KIF7: variants seen among roughly 807,000 people sequenced by gnomAD.
The protein encoded by KIF7 is kinesin family member 7, also known as kinesin-like protein KIF7.
KIF7 carries 104 observed loss-of-function variants against 135.7 expected under a neutral mutation model. That is an observed-to-expected ratio of 0.77 (90% confidence interval 0.65 to 0.90). The LOEUF (loss-of-function observed/expected upper bound fraction) is 0.90, where lower values mean the gene tolerates loss of function less well. KIF7 is among the 40% of genes least tolerant of loss of function. The pLI, the probability that KIF7 is intolerant of heterozygous loss-of-function variation, is 0.00. For synonymous variants in KIF7, 883 were observed against 809.4 expected (o/e 1.09, Z -1.54); for missense variants, 2,005 against 1,839.1 (o/e 1.09, Z -1.65).
rs1000506156 is a variant in KIF7 at position 89,628,257 on chromosome 15, C to G, written c.*162G>C. On this transcript the variant is annotated 3_prime_UTR_variant, in exon 19 of 19. Transcript: ENST00000394412. ...TATTTTGTTAAATGAGGGTCCAGTT[C>G]TTTTGGGCCATGGCCCAAATTTGTT... The G allele has an allele frequency of 1.2e-6, 1 of 816,204 alleles. No individual in the cohort carries two copies. Among genetic ancestry groups the G allele is most frequent in the Admixed American group, 2.6e-5 (1 of 38,374 alleles). 50.6% of individuals were successfully genotyped at this position (816,204 alleles called of 1,614,324 possible). A position where few individuals can be genotyped will look rare whatever the true frequency, so the allele number is the denominator to read the frequency against.
At chr15:89,649,405 C>T (rs1964086551) in intron 3 of KIF7, 38 bp from the exon 4 acceptor site, 3 of 1,444,868 alleles carry the variant, frequency 2.1e-6, no homozygotes, top group East Asian at 2.5e-5. Flanking sequence ...AGGGCAGGGG[C>T]CGCCAGACTG....
chr15:89,628,320 G>T lies in KIF7; in HGVS notation c.*99C>A. On this transcript the variant is annotated 3_prime_UTR_variant, in exon 19 of 19. Coordinates refer to ENST00000394412, the MANE Select transcript of KIF7 (RefSeq NM_198525.3). ...GGTACAGATGAGGGCCTGGATTTAG[G>T]GTGTGCGGTAAGGACTGCCCTTCAC... 1 of 1,454,578 alleles carries T rather than the reference G, an allele frequency of 6.9e-7. No homozygotes were observed. The allele number at this position is 1,454,578 out of a possible 1,614,324, so 90.1% of individuals were successfully genotyped here.
chr15:89,624,440 C>A, downstream of KIF7: 1 of 1,614,208 alleles, frequency 6.2e-7, no homozygotes, highest in Non-Finnish European at 8.5e-7. Context: ...CCTCCTCCAC[C>A]CCCTTCTAAA....
downstream of KIF7, chr15:89,625,928 C>G (rs191385868): frequency 1.3e-4 from 202 of 1,556,598 alleles, 1 homozygote; most frequent in Admixed American, 1.8e-4. Context: ...TATGTGGGAT[C>G]TCTTTAGGCT....
At chr15:89,635,252 C>T (rs1223528283) in intron 11 of KIF7, among the ~76,000 whole-genome samples, 1 of 152,162 alleles carries the variant, frequency 6.6e-6, no homozygotes. Context: ...AAAATGGAAA[C>T]TCTAAAAAGC....
chr15:89,620,219 C>CT (rs1963402326), intron 1 of KIF7, among the ~76,000 whole-genome samples: 1 of 152,046 alleles, frequency 6.6e-6, no homozygotes. Context: ...CTTATTTTAT[C>CT]TTTTTTTGAG....
At chr15:89,660,491 ATG>A in the KIF7 span, among the ~76,000 whole-genome samples, 4 of 152,190 alleles carry the variant, frequency 2.6e-5, no homozygotes, top group African/African-American at 4.8e-5. Context: ...TGGCTAGAAT[ATG>A]GAGTTGATCG....
downstream of KIF7, chr15:89,624,317 G>A (rs775792077): frequency 2.5e-6 from 4 of 1,614,000 alleles, no homozygotes; most frequent in African/African-American, 2.7e-5. Flanking sequence ...CCTTCCCCAG[G>A]AGAACTGGAT....
the KIF7 span, among the ~76,000 whole-genome samples, chr15:89,662,441 T>C: frequency 2.0e-5 from 3 of 152,152 alleles, no homozygotes; most frequent in African/African-American, 7.2e-5. Flanking sequence ...GAGGTTGCAG[T>C]GAGCTGAGAT....
chr15:89,630,705 G>A, intron 15 of KIF7: 1 of 611,668 alleles, frequency 1.6e-6, no homozygotes, highest in Non-Finnish European at 2.9e-6. Flanking sequence ...GAGGTGGCCT[G>A]CTCAACTGCA....
At position 89,628,563 on chromosome 15, in the gene KIF7, C is replaced by A. The variant is rs577637542; in HGVS notation, c.3888G>T (p.Arg1296=). Residue 1296 remains arginine, a synonymous_variant, in exon 19 of 19, where the codon CGG becomes CGT. Coordinates refer to ENST00000394412, the MANE Select transcript of KIF7 (RefSeq NM_198525.3). The stretch of plus-strand genomic sequence containing the variant: ...GCCCCACCAGGGGCTCAGCCGCCTC[C>A]CGCTGCCTCAGTTCCTCGGGGGACC... ...EQGSPEELRQ[R]EAAEPLVGRV... The A allele has an allele frequency of 1.2e-6, 2 of 1,613,428 alleles. No individual in the cohort carries two copies. The highest frequency in any genetic ancestry group is 1.7e-6 in the Non-Finnish European group (2 of 1,179,962).
rs754326027 is a variant in KIF7 at position 89,628,597 on chromosome 15, T to C, written c.3854A>G (p.Glu1285Gly). 2.5e-6 allele frequency: 4 copies of C among 1,613,476 alleles called. No individual in the cohort carries two copies. In the South Asian group the frequency reaches 4.4e-5, roughly 18 times the overall value. Residue 1285 changes from glutamate to glycine, a missense_variant, in exon 19 of 19, where the codon GAG becomes GGG. By Grantham distance (98) the Glu-to-Gly change is moderately conservative. Transcript: ENST00000394412. ...CAGTTCCTCGGGGGACCCCTGCTCC[T>C]CACCACACAGGCTCGAGCGTTTCCA... is the stretch of plus-strand genomic sequence containing the variant. ...LTWKRSSLCG[E>G]EQGSPEELRQ...
chr15:89,627,877 GTC>G (rs71763708), downstream of KIF7: 6,908 of 152,930 alleles, frequency 0.045, 178 homozygotes, highest in East Asian at 0.083. Context: ...ACTCTGAACT[GTC>G]TCTCAGTCTC....
At chr15:89,635,157 C>T (rs536140721) in intron 11 of KIF7, among the ~76,000 whole-genome samples, 1 of 152,038 alleles carries the variant, frequency 6.6e-6, no homozygotes, top group East Asian at 1.9e-4. Flanking sequence ...AAAGGACATC[C>T]ACACCAAAAA....
rs371351480 is a variant in KIF7, at chr15:89,622,892, T to G, written c.181-4697A>C. 4.6e-5 allele frequency among the ~76,000 whole-genome samples: 7 copies of G among 152,294 alleles called. 1 individual carries two copies. In the East Asian group the frequency reaches 1.2e-3, roughly 25 times the overall value. On this transcript the variant is annotated intron_variant and NMD_transcript_variant, in intron 1 of 2. Coordinates refer to the KIF7 transcript ENST00000558928. ...GATCCAGGCTGGGTTAGGCAGCCCT[T>G]CTTTGTGTTCTGTGATGCCCCTCGC...
At chr15:89,632,767 G>C in intron 14 of KIF7, 53 bp downstream of exon 14, 2 of 1,564,046 alleles carry the variant, frequency 1.3e-6, no homozygotes, top group Non-Finnish European at 8.7e-7. Flanking sequence ...GTCCTGGCTG[G>C]ACCTCACTTC....
intron 2 of KIF7, 145 bp from the exon 3 acceptor site, chr15:89,650,086 G>T: frequency 1.2e-6 from 1 of 824,568 alleles, no homozygotes; most frequent in South Asian, 1.5e-5. Flanking sequence ...GATGGGACAG[G>T]TGGCCTGAGC....
At chr15:89,633,101 C>T (rs761223913) in intron 13 of KIF7, 40 bp downstream of exon 13, 2 of 1,601,076 alleles carry the variant, frequency 1.2e-6, no homozygotes, top group Non-Finnish European at 1.7e-6. Context: ...ACCAGCCAGC[C>T]CCCAGGGGAG....
chr15:89,630,262 G>A, intron 16 of KIF7, 25 bp downstream of exon 16: 2 of 1,607,338 alleles, frequency 1.2e-6, no homozygotes, highest in Non-Finnish European at 1.7e-6. Context: ...AGGAGGAGCT[G>A]GGGGGCCATG....
Sources: gnomAD v4.1 joint callset for allele counts (sites outside exome capture counted in the v4.1 genomes callset) on GRCh38, gnomAD v4.1.1 for gene constraint, MANE v1.5 for transcripts, NCBI Gene and HGNC (gene_info 2026-07-23, HGNC 2026-07-21) for gene names.